The following HCN1 variants were observed in gnomAD, a reference collection of about 807,000 sequenced individuals.
HCN1 encodes potassium/sodium hyperpolarization-activated cyclic nucleotide-gated channel 1.
In HCN1, 13 loss-of-function variants were observed where a neutral mutation model predicts 78.9. The ratio of observed to expected loss-of-function variants is 0.16; its 90% CI spans 0.11 to 0.26. The LOEUF is 0.26. Ranked by LOEUF, HCN1 falls within the 10% of genes least tolerant of loss-of-function variation. The pLI, the probability that HCN1 is intolerant of heterozygous loss-of-function variation, is 1.00. For missense variants in HCN1, 810 were observed against 1,154.3 expected, an observed-to-expected ratio of 0.70 and a Z score of 4.32; for synonymous variants, 552 against 455.5, an observed-to-expected ratio of 1.21 and a Z score of -2.70.
chr5:45,322,934 T>A (rs1746151914), intron 5 of HCN1, among the ~76,000 whole-genome samples: 1 of 151,852 alleles, frequency 6.6e-6, no homozygotes, highest in Admixed American at 6.6e-5. Context: ...CCTTGTCTGA[T>A]ATAATAGTTC....
chr5:45,430,337 G>A (rs891514530), intron 3 of HCN1, among the ~76,000 whole-genome samples: 3 of 151,900 alleles, frequency 2.0e-5, no homozygotes, highest in Non-Finnish European at 4.4e-5. Context: ...TGTTATATAG[G>A]TAAACTGTGT....
chr5:45,663,236 G>C (rs2112062208), intron 1 of HCN1, among the ~76,000 whole-genome samples: 1 of 128,640 alleles, frequency 7.8e-6, no homozygotes, highest in East Asian at 2.4e-4. Flanking sequence ...AATGGTGCTG[G>C]GAAAACTGGC....
chr5:45,490,078 T>C (rs1741851620), intron 2 of HCN1, among the ~76,000 whole-genome samples: 1 of 152,162 alleles, frequency 6.6e-6, no homozygotes, highest in Admixed American at 6.6e-5. Context: ...TCTTTACGTA[T>C]AGAAATTAAC....
chr5:45,682,914 G>C (rs1739730326), intron 1 of HCN1, among the ~76,000 whole-genome samples: 1 of 151,926 alleles, frequency 6.6e-6, no homozygotes, highest in Non-Finnish European at 1.5e-5. Flanking sequence ...TTGCAATCTT[G>C]TCATATTTTT....
At chr5:45,609,886 G>T (rs914995762) in intron 2 of HCN1, among the ~76,000 whole-genome samples, 10 of 152,150 alleles carry the variant, frequency 6.6e-5, no homozygotes, top group Non-Finnish European at 1.2e-4. Context: ...TGATGAAATG[G>T]CATGGCTCTT....
At chr5:45,415,893 C>T (rs1740108580) in intron 3 of HCN1, among the ~76,000 whole-genome samples, 1 of 151,940 alleles carries the variant, frequency 6.6e-6, no homozygotes, top group Admixed American at 6.6e-5. Flanking sequence ...ATTGAACTGA[C>T]TTAATAACAG....
chr5:45,261,990 T>C lies in HCN1; in HGVS notation c.2604A>G (p.Pro868=), dbSNP rs1362126619. The C allele has an allele frequency of 6.2e-7, 1 of 1,613,948 alleles. No homozygotes were observed. Among genetic ancestry groups the C allele is most frequent in the East Asian group, 2.2e-5 (1 of 44,866 alleles). ...PAPPPPAAAL[P]RESSSVLNTD... ...TGTTTAAGACTGAGGAAGATTCTCT[T>C]GGAAGAGCAGCTGCTGGTGGAGGGG... The change falls in exon 8 of 8, where the codon CCA becomes CCG. Residue 868 remains proline (P), a synonymous_variant. Coordinates refer to ENST00000303230, the MANE Select transcript of HCN1 (RefSeq NM_021072.4).
chr5:45,515,322 G>T (rs1483313), intron 2 of HCN1, among the ~76,000 whole-genome samples: 1 of 151,604 alleles, frequency 6.6e-6, no homozygotes, highest in African/African-American at 2.4e-5. Flanking sequence ...TATCAAACTA[G>T]GAAACCTAAA....
chr5:45,478,673 G>T (rs1438007432), intron 2 of HCN1, among the ~76,000 whole-genome samples: 1 of 152,192 alleles, frequency 6.6e-6, no homozygotes, highest in Non-Finnish European at 1.5e-5. Context: ...CAACCAGTGT[G>T]GCCAGAACAG....
chr5:45,259,736 TTA>T lies in HCN1; in HGVS notation c.*2183_*2184del, dbSNP rs1317009281. On this transcript the variant is annotated 3_prime_UTR_variant, in exon 8 of 8. Transcript: ENST00000303230. Reference sequence around the variant, plus strand: ...GTGCTCAAAATAAAAAACCAAAAATTTATATATATAAAAATATTTCACTACCA... The same window carrying T: ...GTGCTCAAAATAAAAAACCAAAAATTTATATATAAAAATATTTCACTACCA... The T allele has an allele frequency of 3.3e-5, 5 of 152,352 alleles. No homozygotes were observed. Among genetic ancestry groups the T allele is most frequent in the Admixed American group, 2.0e-4 (3 of 15,254 alleles). 9.4% of individuals were successfully genotyped at this position (152,352 alleles called of 1,614,324 possible). A position where few individuals can be genotyped will look rare whatever the true frequency, so the allele number is the denominator to read the frequency against.
At position 45,257,612 on chromosome 5, in the gene HCN1, A is replaced by T. The variant is rs1744645550; in HGVS notation, c.*4309T>A. ...AGCCTGAATTGGAAGCAGGGTCAGC[A>T]TTAGGGTGAGACAAGAGATGCAGGG... On this transcript the variant is annotated 3_prime_UTR_variant, in exon 8 of 8. Transcript: ENST00000303230. 6.6e-6 allele frequency: 1 copy of T among 152,206 alleles called. No individual in the cohort carries two copies. The highest frequency in any genetic ancestry group is 2.4e-5 in the African/African-American group (1 of 41,462). 9.4% of individuals were successfully genotyped at this position (152,206 alleles called of 1,614,324 possible). A position where few individuals can be genotyped will look rare whatever the true frequency, so the allele number is the denominator to read the frequency against.
chr5:45,277,599 A>T (rs1205101727), intron 6 of HCN1, among the ~76,000 whole-genome samples: 1 of 152,156 alleles, frequency 6.6e-6, no homozygotes, highest in African/African-American at 2.4e-5. Flanking sequence ...TTCTCACATT[A>T]AACCAGTTAT....
intron 2 of HCN1, among the ~76,000 whole-genome samples, chr5:45,474,893 AAG>A (rs1741480676): frequency 6.6e-6 from 1 of 151,964 alleles, no homozygotes; most frequent in South Asian, 2.1e-4. Context: ...TGCGGAAAGA[AAG>A]GGAAAATGAA....
At chr5:45,437,273 CATAA>C (rs1461686807) in intron 3 of HCN1, among the ~76,000 whole-genome samples, 1 of 152,102 alleles carries the variant, frequency 6.6e-6, no homozygotes, top group Non-Finnish European at 1.5e-5. Flanking sequence ...TAGCCATCAA[CATAA>C]ATAAATGTAA....
At chr5:45,358,018 G>A (rs1747036282) in intron 4 of HCN1, among the ~76,000 whole-genome samples, 1 of 151,876 alleles carries the variant, frequency 6.6e-6, no homozygotes, top group Non-Finnish European at 1.5e-5. Flanking sequence ...TTCACTTTCT[G>A]CCATGAGTGG....
intron 2 of HCN1, among the ~76,000 whole-genome samples, chr5:45,526,479 C>A (rs1488545294): frequency 6.6e-6 from 1 of 152,084 alleles, no homozygotes; most frequent in Non-Finnish European, 1.5e-5. Flanking sequence ...CCTGCACTCT[C>A]TACCTTTCTC....
intron 4 of HCN1, among the ~76,000 whole-genome samples, chr5:45,389,231 C>T (rs1221739894): frequency 2.0e-5 from 3 of 152,048 alleles, no homozygotes; most frequent in Admixed American, 6.6e-5. Context: ...CTGTGGTAAG[C>T]TTCTTCATAC....
chr5:45,591,273 T>C (rs992208554), intron 2 of HCN1, among the ~76,000 whole-genome samples: 1 of 152,184 alleles, frequency 6.6e-6, no homozygotes, highest in Non-Finnish European at 1.5e-5. Flanking sequence ...TTTTAATTCT[T>C]TTGGGTAAAT....
At chr5:45,339,154 C>T (rs1746523151) in intron 5 of HCN1, among the ~76,000 whole-genome samples, 1 of 152,090 alleles carries the variant, frequency 6.6e-6, no homozygotes, top group Non-Finnish European at 1.5e-5. Flanking sequence ...TTAAAGAAGA[C>T]CTTTTACTCA....
Sources: gnomAD v4.1 joint callset for allele counts (sites outside exome capture counted in the v4.1 genomes callset) on GRCh38, gnomAD v4.1.1 for gene constraint, MANE v1.5 for transcripts, NCBI Gene and HGNC (gene_info 2026-07-23, HGNC 2026-07-21) for gene names.